Variants in PHF2 observed in about 807,000 individuals in gnomAD.
The protein encoded by PHF2 is lysine-specific demethylase PHF2.
In PHF2, 27 loss-of-function variants were observed where a neutral mutation model predicts 120.5. The ratio of observed to expected loss-of-function variants is 0.22; its 90% CI spans 0.17 to 0.31. The LOEUF (loss-of-function observed/expected upper bound fraction) is 0.31, where lower values mean the gene tolerates loss of function less well. PHF2 is among the 10% of genes least tolerant of loss of function. The pLI is 1.00. For synonymous variants in PHF2, 568 were observed against 592.5 expected (o/e 0.96, Z 0.60); for missense variants, 1,024 against 1,434.8 (o/e 0.71, Z 4.63).
intron 1 of PHF2, among the ~76,000 whole-genome samples, chr9:93,589,911 G>T (rs1175432181): frequency 6.6e-6 from 1 of 152,172 alleles, no homozygotes; most frequent in Non-Finnish European, 1.5e-5. Flanking sequence ...CGTCACTCTT[G>T]ACTGCTGGGG....
intron 17 of PHF2, among the ~76,000 whole-genome samples, chr9:93,670,137 C>T (rs1447194969): frequency 1.3e-5 from 2 of 152,206 alleles, no homozygotes; most frequent in Non-Finnish European, 2.9e-5. Flanking sequence ...GCTCGAGAGA[C>T]AGTGATGCTG....
At chr9:93,593,084 CAAAAAAA>C (rs200919035) in intron 1 of PHF2, among the ~76,000 whole-genome samples, 136 of 83,384 alleles carry the variant, frequency 1.6e-3, no homozygotes, top group Admixed American at 3.7e-3. Flanking sequence ...TCCTTTATGC[CAAAAAAA>C]AAAAAAAAAA....
At chr9:93,668,312 G>A (rs1323539461) in intron 17 of PHF2, among the ~76,000 whole-genome samples, 2 of 152,152 alleles carry the variant, frequency 1.3e-5, no homozygotes, top group African/African-American at 4.8e-5. Flanking sequence ...CTTGTGGCTG[G>A]GGTTGAAGCC....
At chr9:93,648,950 C>T (rs1826308811) in intron 4 of PHF2, 121 bp from the exon 5 acceptor site, 1 of 1,131,956 alleles carries the variant, frequency 8.8e-7, no homozygotes, top group African/African-American at 1.5e-5. Flanking sequence ...GCATCCAGCC[C>T]CTGGCAGCTC....
At chr9:93,619,457 G>A (rs1457546288) in intron 1 of PHF2, among the ~76,000 whole-genome samples, 1 of 152,252 alleles carries the variant, frequency 6.6e-6, no homozygotes, top group African/African-American at 2.4e-5. Context: ...TGTCCTCAGG[G>A]TGGAGGGTGG....
chr9:93,649,962 A>G (rs909384763), intron 5 of PHF2, among the ~76,000 whole-genome samples: 1 of 152,056 alleles, frequency 6.6e-6, no homozygotes. Flanking sequence ...GGACACATGG[A>G]CACACATGAC....
intron 1 of PHF2, among the ~76,000 whole-genome samples, chr9:93,604,304 A>G (rs1825498244): frequency 6.8e-6 from 1 of 148,090 alleles, no homozygotes; most frequent in African/African-American, 2.5e-5. Context: ...TGGCAGGGGC[A>G]GGAGGCCTTG....
At chr9:93,657,596 A>C (rs1444126490) in intron 9 of PHF2, among the ~76,000 whole-genome samples, 1 of 152,186 alleles carries the variant, frequency 6.6e-6, no homozygotes, top group Non-Finnish European at 1.5e-5. Context: ...GTTGGCCCCC[A>C]GGACTGAGAG....
intron 2 of PHF2, among the ~76,000 whole-genome samples, chr9:93,632,081 C>T (rs1404648983): frequency 1.3e-5 from 2 of 152,148 alleles, no homozygotes; most frequent in Non-Finnish European, 2.9e-5. Flanking sequence ...CCAGACATCC[C>T]CAGAAACAGC....
chr9:93,640,915 A>AGTTT (rs1200384062), intron 3 of PHF2, among the ~76,000 whole-genome samples: 1 of 152,062 alleles, frequency 6.6e-6, no homozygotes, highest in Non-Finnish European at 1.5e-5. Flanking sequence ...AGCTTCTTCT[A>AGTTT]GTTTGTTTGT....
chr9:93,582,798 G>A (rs1380801524), intron 1 of PHF2, among the ~76,000 whole-genome samples: 9 of 152,330 alleles, frequency 5.9e-5, no homozygotes, highest in Non-Finnish European at 1.3e-4. Flanking sequence ...CTTGAAGGAA[G>A]CAATTTGGTG....
chr9:93,665,706 C>T lies in PHF2; in HGVS notation c.1958C>T (p.Pro653Leu). The change falls in exon 15 of 22, where the codon CCG becomes CTG. Residue 653 changes from proline (P) to leucine (L), a missense_variant. Transcript: ENST00000359246. ...KLLGSKALRPPTSPGVFGALQ... is the reference protein window; with the variant it reads ...KLLGSKALRPLTSPGVFGALQ... ...CCTAGCTCCAAGGCTCTCAGGCCCC[C>T]GACGAGCCCTGGTGTGTTCGGGGCC... is the stretch of plus-strand genomic sequence containing the variant. The T allele has an allele frequency of 6.2e-7, 1 of 1,613,836 alleles. No homozygotes were observed. Among genetic ancestry groups the T allele is most frequent in the East Asian group, 2.2e-5 (1 of 44,870 alleles).
intron 2 of PHF2, 65 bp from the exon 3 acceptor site, chr9:93,636,346 G>C: frequency 1.5e-6 from 2 of 1,292,652 alleles, no homozygotes; most frequent in Non-Finnish European, 2.2e-6. Flanking sequence ...GGTTCTTAGG[G>C]GAAGTTGTGG....
At chr9:93,662,848 A>C in intron 12 of PHF2, 59 bp from the exon 13 acceptor site, 2 of 1,600,566 alleles carry the variant, frequency 1.2e-6, no homozygotes, top group Non-Finnish European at 1.7e-6. Context: ...TCTGTGGCTC[A>C]AGAGAGTTCC....
At position 93,665,788 on chromosome 9, in the gene PHF2, G is replaced by A; in HGVS notation, c.2040G>A (p.Val680=). 2 of 1,614,098 alleles carry A rather than the reference G, an allele frequency of 1.2e-6. No homozygotes were observed. The highest frequency in any genetic ancestry group is 2.2e-5 in the East Asian group (1 of 44,862). ...CCGTGCGGGATGAGTATGAGTACGT[G>A]TCGGATGACGGTGAGCTCAAGATCG... ...PKPVRDEYEY[V]SDDGELKIDE... Residue 680 remains valine, a synonymous_variant, in exon 15 of 22, where the codon GTG becomes GTA. Transcript: ENST00000359246.
intron 13 of PHF2, 73 bp from the exon 14 acceptor site, chr9:93,663,444 A>G (rs1826615231): frequency 1.1e-6 from 1 of 905,388 alleles, no homozygotes; most frequent in African/African-American, 1.7e-5. Context: ...GCCTCTTCTC[A>G]CTGACACTAA....
intron 1 of PHF2, among the ~76,000 whole-genome samples, chr9:93,600,247 G>A (rs1210321421): frequency 6.6e-6 from 1 of 152,056 alleles, no homozygotes; most frequent in Non-Finnish European, 1.5e-5. Flanking sequence ...GTGGATGTGT[G>A]TCTGTGTGTG....
intron 2 of PHF2, among the ~76,000 whole-genome samples, chr9:93,634,458 C>T (rs1358606078): frequency 1.3e-5 from 2 of 152,226 alleles, no homozygotes; most frequent in Non-Finnish European, 2.9e-5. Flanking sequence ...TCCCAAGCAT[C>T]TATCGCTTGG....
chr9:93,655,028 T>G (rs1826434397), intron 7 of PHF2, among the ~76,000 whole-genome samples: 1 of 152,192 alleles, frequency 6.6e-6, no homozygotes, highest in Non-Finnish European at 1.5e-5. Context: ...AGGGGACATT[T>G]TGAGTCTGTG....
Sources: allele counts gnomAD v4.1 joint callset (sites outside exome capture counted in the v4.1 genomes callset), GRCh38; gene constraint gnomAD v4.1.1; transcripts MANE v1.5; gene names NCBI Gene and HGNC (gene_info 2026-07-23, HGNC 2026-07-21).